SIL1: variants seen among roughly 807,000 people sequenced by gnomAD.
The protein encoded by SIL1 is nucleotide exchange factor SIL1.
Under a neutral mutation model 49.1 loss-of-function variants are expected in SIL1, and 40 were observed. That is an observed-to-expected ratio of 0.81 (90% CI 0.63 to 1.06). The LOEUF (loss-of-function observed/expected upper bound fraction) is 1.06, where lower values mean the gene tolerates loss of function less well. Among genes scored for constraint, SIL1 ranks in the 50% least tolerant of loss-of-function variants. The pLI, the probability that SIL1 is intolerant of heterozygous loss-of-function variation, is 0.00. For synonymous variants in SIL1, 253 were observed against 250.8 expected (o/e 1.01, Z -0.08); for missense variants, 500 against 572.6 (o/e 0.87, Z 1.29).
intron 1 of SIL1, among the ~76,000 whole-genome samples, chr5:139,181,835 T>C (rs1206584606): frequency 2.6e-5 from 4 of 152,234 alleles, no homozygotes; most frequent in Non-Finnish European, 5.9e-5. Flanking sequence ...AACTGCAGAC[T>C]ATCAATATGC....
chr5:139,144,600 G>T lies in SIL1; in HGVS notation c.-10-16747C>A, dbSNP rs111674164. On this transcript the variant is annotated intron_variant, in intron 1 of 9. Coordinates refer to ENST00000394817, the MANE Select transcript of SIL1 (RefSeq NM_022464.5). Reference sequence around the variant, plus strand: ...AAAAGGCTAAAACTGGCAGGGTGCGGTGGCTCACACCTGTAATCCCAGCAC... The same window carrying T: ...AAAAGGCTAAAACTGGCAGGGTGCGTTGGCTCACACCTGTAATCCCAGCAC... Among the ~76,000 whole-genome samples the T allele has an allele frequency of 7.0e-3, 1,060 of 152,300 alleles. 8 individuals carry two copies. The highest frequency in any genetic ancestry group is 0.024 in the African/African-American group (1,016 of 41,560).
chr5:139,135,046 A>G (rs1750944673), intron 1 of SIL1, among the ~76,000 whole-genome samples: 1 of 152,244 alleles, frequency 6.6e-6, no homozygotes, highest in Non-Finnish European at 1.5e-5. Flanking sequence ...TTAAAGAATA[A>G]TTTGAAGGAC....
At chr5:138,988,100 T>G (rs1038800013) in intron 7 of SIL1, among the ~76,000 whole-genome samples, 4 of 152,186 alleles carry the variant, frequency 2.6e-5, no homozygotes, top group Non-Finnish European at 5.9e-5. Context: ...CCCAAAGTGT[T>G]GGGATTATAG....
chr5:139,069,967 T>G (rs1420489875), intron 3 of SIL1, among the ~76,000 whole-genome samples: 1 of 152,116 alleles, frequency 6.6e-6, no homozygotes, highest in African/African-American at 2.4e-5. Flanking sequence ...TTCGATGGGC[T>G]CTTCCTGAAG....
chr5:139,094,019 C>A (rs1770400173), intron 3 of SIL1: 1 of 152,216 alleles, frequency 6.6e-6, no homozygotes, highest in African/African-American at 2.4e-5. Context: ...TAAACCAGCC[C>A]TCACCTGCAG....
intron 7 of SIL1, among the ~76,000 whole-genome samples, chr5:139,015,772 G>A (rs1041596685): frequency 6.6e-6 from 1 of 152,206 alleles, no homozygotes; most frequent in Admixed American, 6.5e-5. Context: ...GGTCAGAACT[G>A]GGCCACATGG....
intron 1 of SIL1, among the ~76,000 whole-genome samples, chr5:139,163,606 G>C (rs1751560074): frequency 6.6e-6 from 1 of 152,068 alleles, no homozygotes; most frequent in Non-Finnish European, 1.5e-5. Context: ...CTGGGCTCAA[G>C]TGATCCGCCC....
At chr5:138,980,832 G>A (rs1173157141) in intron 7 of SIL1, among the ~76,000 whole-genome samples, 3 of 152,148 alleles carry the variant, frequency 2.0e-5, no homozygotes, top group African/African-American at 7.2e-5. Flanking sequence ...TCCCTCTCCT[G>A]TGCTTGGTAA....
intron 1 of SIL1, among the ~76,000 whole-genome samples, chr5:139,164,641 A>G (rs62382976): frequency 0.016 from 2,511 of 152,276 alleles, 31 homozygotes; most frequent in South Asian, 0.031. Flanking sequence ...ATTTCATTTC[A>G]TCCTAACTGC....
chr5:139,186,675 G>A (rs917940788), intron 1 of SIL1, among the ~76,000 whole-genome samples: 3 of 152,310 alleles, frequency 2.0e-5, no homozygotes, highest in South Asian at 4.1e-4. Context: ...CTCCTAGCCA[G>A]TGAGTAACAC....
chr5:139,096,499 C>A (rs1401047103), intron 3 of SIL1, among the ~76,000 whole-genome samples: 1 of 151,822 alleles, frequency 6.6e-6, no homozygotes. Context: ...CTGGCATCAT[C>A]CCTCCTCTAA....
intron 7 of SIL1, among the ~76,000 whole-genome samples, chr5:138,958,117 T>C (rs1245379642): frequency 6.6e-6 from 1 of 152,192 alleles, no homozygotes; most frequent in Admixed American, 6.5e-5. Flanking sequence ...TTTATGCCCA[T>C]ACGATGTACA....
At chr5:139,196,959 C>T (rs575121205) in intron 1 of SIL1, among the ~76,000 whole-genome samples, 210 of 152,124 alleles carry the variant, frequency 1.4e-3, no homozygotes, top group Middle Eastern at 3.4e-3. Flanking sequence ...AAATATCTTT[C>T]ACAATGTCAA....
chr5:139,004,454 T>C (rs981114752), intron 7 of SIL1, among the ~76,000 whole-genome samples: 2 of 152,228 alleles, frequency 1.3e-5, no homozygotes, highest in Non-Finnish European at 1.5e-5. Flanking sequence ...GCCAAACCTC[T>C]TTAAATAGAG....
intron 3 of SIL1, among the ~76,000 whole-genome samples, chr5:139,081,703 A>AC (rs1770084462): frequency 6.6e-6 from 1 of 151,636 alleles, no homozygotes. Flanking sequence ...ACATGGTGAA[A>AC]CCCCATCTCT....
rs1272893412 is a variant in SIL1 at position 138,948,194 on chromosome 5, C to T, written c.1030-721G>A. Among the ~76,000 whole-genome samples, 1 of 152,174 alleles carries T rather than the reference C, an allele frequency of 6.6e-6. No individual in the cohort carries two copies. The highest frequency in any genetic ancestry group is 1.9e-4 in the East Asian group (1 of 5,190). On this transcript the variant is annotated intron_variant, in intron 9 of 9. Coordinates refer to ENST00000394817, the MANE Select transcript of SIL1 (RefSeq NM_022464.5). This position sits in a 1 kb window ranked among gnomAD's most constrained non-coding sequence, Gnocchi z 4.8. ...AGGGAAGCCCAGGAGAAGAGGAGGC[C>T]ACAGTGGACCACCTGTGCTTCCTGC...
At chr5:139,163,071 C>T (rs1388969594) in intron 1 of SIL1, among the ~76,000 whole-genome samples, 1 of 151,612 alleles carries the variant, frequency 6.6e-6, no homozygotes, top group African/African-American at 2.4e-5. Context: ...GTGTCCAGAA[C>T]ACAGAAGGCA....
intron 3 of SIL1, among the ~76,000 whole-genome samples, chr5:139,061,714 C>CA (rs1769593294): frequency 1.3e-5 from 2 of 152,124 alleles, no homozygotes; most frequent in African/African-American, 4.8e-5. Flanking sequence ...AAAAACAACC[C>CA]AAAAAGGTAA....
intron 5 of SIL1, among the ~76,000 whole-genome samples, chr5:139,037,719 C>G (rs1378205446): frequency 6.6e-6 from 1 of 151,908 alleles, no homozygotes; most frequent in African/African-American, 2.4e-5. Flanking sequence ...CTTCTGTTTC[C>G]TTGCTGAGAC....
Sources: gnomAD v4.1 joint callset for allele counts (sites outside exome capture counted in the v4.1 genomes callset) on GRCh38, gnomAD v4.1.1 for gene constraint, Gnocchi (gnomAD v3.1) non-coding constraint, MANE v1.5 for transcripts, NCBI Gene and HGNC (gene_info 2026-07-23, HGNC 2026-07-21) for gene names.